POLR3B: variants seen among roughly 807,000 people sequenced by gnomAD.
POLR3B encodes the protein RNA polymerase III subunit B.
Under a neutral mutation model 147.4 loss-of-function variants are expected in POLR3B, and 96 were observed. The observed-to-expected ratio is 0.65, with a 90% CI of 0.55 to 0.77. The LOEUF (loss-of-function observed/expected upper bound fraction) is 0.77. POLR3B is among the 30% of genes least tolerant of loss of function. POLR3B has a pLI of 0.00. For missense variants in POLR3B, 1,036 were observed against 1,413.5 expected (o/e 0.73, Z 4.28); for synonymous variants, 461 against 485.9 (o/e 0.95, Z 0.67).
chr12:106,449,750 G>C (rs2037773425), intron 19 of POLR3B, among the ~76,000 whole-genome samples: 1 of 152,092 alleles, frequency 6.6e-6, no homozygotes, highest in Admixed American at 6.6e-5. Context: ...GGTAGTAAAG[G>C]CAAAAGAAAA....
At chr12:106,434,039 G>T (rs1208417055) in intron 16 of POLR3B, among the ~76,000 whole-genome samples, 167 bp downstream of exon 16, 1 of 152,174 alleles carries the variant, frequency 6.6e-6, no homozygotes, top group African/African-American at 2.4e-5. Flanking sequence ...AGGTACCGAG[G>T]ATTCAGATTA....
intron 18 of POLR3B, among the ~76,000 whole-genome samples, chr12:106,438,454 TATAG>T (rs1422955025): frequency 6.6e-6 from 1 of 151,556 alleles, no homozygotes; most frequent in East Asian, 1.9e-4. Context: ...CATATATCCA[TATAG>T]ATAGATAACC....
At chr12:106,457,084 C>A in intron 20 of POLR3B, 54 bp from the exon 21 acceptor site, 10 of 1,478,772 alleles carry the variant, frequency 6.8e-6, no homozygotes, top group East Asian at 2.3e-5. Context: ...ATCCATATTT[C>A]CTTATAGCTT....
At chr12:106,472,862 G>A (rs2038113552) in intron 23 of POLR3B, among the ~76,000 whole-genome samples, 1 of 133,550 alleles carries the variant, frequency 7.5e-6, no homozygotes, top group South Asian at 2.3e-4. Context: ...AAGCTCTTTA[G>A]TTTAATGAGA....
Position 106,501,322 on chromosome 12 carries a change from G to A in POLR3B, c.2985-1G>A. 6.3e-7 allele frequency: 1 copy of A among 1,590,792 alleles called. No individual in the cohort carries two copies. The highest frequency in any genetic ancestry group is 8.6e-7 in the Non-Finnish European group (1 of 1,158,666). ...CCCACAACAATTGATCTTTCTTTCA[G>A]TGAGCCCTTAGAAGCATACATCTAT... On this transcript the variant is annotated splice_acceptor_variant, in intron 25 of 27. Coordinates refer to ENST00000228347, the MANE Select transcript of POLR3B (RefSeq NM_018082.6). LOFTEE classifies it high-confidence loss of function.
At chr12:106,458,566 C>G (rs1436611381) in intron 21 of POLR3B, among the ~76,000 whole-genome samples, 1 of 152,006 alleles carries the variant, frequency 6.6e-6, no homozygotes, top group African/African-American at 2.4e-5. Context: ...TGGAGAGAAC[C>G]CAGTTTGTGA....
In POLR3B at chr12:106,496,519, T is replaced by C. The variant is rs1048648057; in HGVS notation, c.2818-233T>C. ...GCTGTGTGGCCTTGGACAAGTTGCT[T>C]ATCCTTCCCATACTTCAGTTTCTTC... is the stretch of plus-strand genomic sequence containing the variant. On this transcript the variant is annotated intron_variant, in intron 24 of 27. Coordinates refer to ENST00000228347, the MANE Select transcript of POLR3B (RefSeq NM_018082.6). 8 of 604,308 alleles carry C rather than the reference T, an allele frequency of 1.3e-5. No individual in the cohort carries two copies. The African/African-American group carries it at 1.5e-4, about 11-fold the overall frequency. The allele number at this position is 604,308 out of a possible 1,614,324, so 37.4% of individuals were successfully genotyped here.
chr12:106,440,992 G>A (rs1453631619), intron 18 of POLR3B, among the ~76,000 whole-genome samples: 3 of 152,020 alleles, frequency 2.0e-5, no homozygotes, highest in Non-Finnish European at 4.4e-5. Context: ...ATATAGAAAT[G>A]CATGAAGTAC....
In POLR3B at chr12:106,444,496, T is replaced by C. The variant is rs1354078991; in HGVS notation, c.1989T>C (p.Thr663=). The change falls in exon 19 of 28, where the codon ACT becomes ACC. Residue 663 remains threonine, a synonymous_variant. Transcript: ENST00000228347. ...DTTHLEIEPF[T]LLGVCAGLIP... is the part of the protein sequence containing the mutation. ...CCCACTTGGAGATTGAACCCTTCAC[T>C]CTTCTCGGCGTGTGTGCTGGACTTA... The C allele has an allele frequency of 1.9e-6, 3 of 1,614,066 alleles. No homozygotes were observed. In the East Asian group the frequency reaches 6.7e-5, roughly 36 times the overall value.
chr12:106,376,170 C>A (rs546582847), intron 6 of POLR3B, among the ~76,000 whole-genome samples, 189 bp from the exon 7 acceptor site: 1 of 152,166 alleles, frequency 6.6e-6, no homozygotes, highest in Non-Finnish European at 1.5e-5. Context: ...CTGTACTAGA[C>A]GAGCAGCGTG....
intron 26 of POLR3B, among the ~76,000 whole-genome samples, chr12:106,502,451 A>T (rs1050231245): frequency 1.4e-4 from 21 of 152,212 alleles, no homozygotes; most frequent in African/African-American, 5.1e-4. Flanking sequence ...TACCTACTTA[A>T]CAGGTGCCAG....
At chr12:106,493,187 G>A (rs1041571709) in intron 23 of POLR3B, among the ~76,000 whole-genome samples, 2 of 152,170 alleles carry the variant, frequency 1.3e-5, no homozygotes, top group African/African-American at 2.4e-5. Context: ...GGATCCAGGG[G>A]AGTGTTAACA....
intron 9 of POLR3B, among the ~76,000 whole-genome samples, chr12:106,389,780 G>C (rs2036889715): frequency 6.6e-6 from 1 of 152,170 alleles, no homozygotes; most frequent in Non-Finnish European, 1.5e-5. Flanking sequence ...TATAGTGCCA[G>C]CTACTTTAGA....
chr12:106,380,416 A>T (rs2036745499), intron 9 of POLR3B, among the ~76,000 whole-genome samples: 1 of 150,382 alleles, frequency 6.6e-6, no homozygotes, highest in African/African-American at 2.4e-5. Flanking sequence ...TCTACCAAAA[A>T]AAAAAAAAAA....
At chr12:106,384,552 C>G (rs1368505639) in intron 9 of POLR3B, among the ~76,000 whole-genome samples, 1 of 152,228 alleles carries the variant, frequency 6.6e-6, no homozygotes, top group East Asian at 1.9e-4. Context: ...AGGCAACACT[C>G]TGCCTTCTTG....
At chr12:106,426,830 T>C (rs1039608794) in intron 12 of POLR3B, among the ~76,000 whole-genome samples, 45 of 115,566 alleles carry the variant, frequency 3.9e-4, no homozygotes, top group Middle Eastern at 8.1e-3. Context: ...TGGTAATTCT[T>C]CTCCACCGTC....
intron 21 of POLR3B, 31 bp from the exon 22 acceptor site, chr12:106,459,220 G>A (rs1242290402): frequency 1.7e-6 from 2 of 1,165,294 alleles, no homozygotes; most frequent in East Asian, 2.3e-5. Context: ...AGATGATAAC[G>A]ATGTGCCTAA....
At chr12:106,436,802 C>CTG (rs1167526098) in intron 16 of POLR3B, among the ~76,000 whole-genome samples, 1 of 152,136 alleles carries the variant, frequency 6.6e-6, no homozygotes, top group African/African-American at 2.4e-5. Context: ...GCAGGAAGCA[C>CTG]TGTGTGTGTG....
At chr12:106,495,268 G>C (rs1454336811) in intron 23 of POLR3B, among the ~76,000 whole-genome samples, 1 of 152,142 alleles carries the variant, frequency 6.6e-6, no homozygotes, top group Non-Finnish European at 1.5e-5. Context: ...ATTAATTTAA[G>C]AGAATATTAG....
Sources: gnomAD v4.1 joint callset for allele counts (sites outside exome capture counted in the v4.1 genomes callset) on GRCh38, gnomAD v4.1.1 for gene constraint, MANE v1.5 for transcripts, NCBI Gene and HGNC (gene_info 2026-07-23, HGNC 2026-07-21) for gene names.